CSAD: variants seen among roughly 807,000 people sequenced by gnomAD.
CSAD encodes the protein cysteine sulfinic acid decarboxylase, also known as P-selectin cytoplasmic tail-associated protein.
In CSAD, 47 loss-of-function variants were observed where a neutral mutation model predicts 61.5. That is an observed-to-expected ratio of 0.76 (90% CI 0.60 to 0.97). The LOEUF is 0.97. CSAD is among the 50% of genes least tolerant of loss of function. The pLI is 0.00. For synonymous variants in CSAD, 245 were observed against 252.7 expected (o/e 0.97, Z 0.29); for missense variants, 611 against 643.6 (o/e 0.95, Z 0.55).
chr12:53,180,672 C>CGAGGGG (rs1941533445), intron 1 of CSAD, 60 bp downstream of exon 1: 1 of 1,278,406 alleles, frequency 7.8e-7, no homozygotes, highest in Admixed American at 2.4e-5. Flanking sequence ...GCGGAGAGGA[C>CGAGGGG]GAGGGGGAGG....
At chr12:53,171,064 T>G in intron 8 of CSAD, 1 of 631,996 alleles carries the variant, frequency 1.6e-6, no homozygotes, top group Admixed American at 2.2e-5. Context: ...CCAATGCTGC[T>G]GGTCCACAGA....
At position 53,158,264 on chromosome 12, in the gene CSAD, T is replaced by C. The variant is rs1392884966; in HGVS notation, c.*247A>G. ...AGCAATTCTGCCCCAACCTCCTGAGTAGCTGGGTTTACAGGCACAGGCCAC... is the reference window on the plus strand; with the variant it reads ...AGCAATTCTGCCCCAACCTCCTGAGCAGCTGGGTTTACAGGCACAGGCCAC... On this transcript the variant is annotated 3_prime_UTR_variant, in exon 17 of 17. Transcript: ENST00000444623. 1.3e-5 allele frequency: 4 copies of C among 299,958 alleles called. No homozygotes were observed. In the East Asian group the frequency reaches 3.0e-4, roughly 22 times the overall value. 18.6% of individuals were successfully genotyped at this position (299,958 alleles called of 1,614,324 possible).
In CSAD at chr12:53,171,135, C is replaced by T. The variant is rs778549766; in HGVS notation, c.567+191G>A. The T allele has an allele frequency of 1.7e-5, 14 of 811,932 alleles. No individual in the cohort carries two copies. In the Admixed American group the frequency reaches 2.6e-4, roughly 15 times the overall value. The allele number at this position is 811,932 out of a possible 1,614,324, so 50.3% of individuals were successfully genotyped here. ...CACTGCACTCACGGCCCCTCCTCTG[C>T]CCCCAAACAGAAGGCAATGTGAACA... is the stretch of plus-strand genomic sequence containing the variant. On this transcript the variant is annotated intron_variant, in intron 8 of 16. Transcript: ENST00000444623.
At chr12:53,165,845 ATAC>A (rs1447047354) in intron 10 of CSAD, among the ~76,000 whole-genome samples, 1 of 152,184 alleles carries the variant, frequency 6.6e-6, no homozygotes, top group Non-Finnish European at 1.5e-5. Flanking sequence ...ACTTCTGAGT[ATAC>A]ACCCAAAACA....
intron 15 of CSAD, 83 bp from the exon 16 acceptor site, chr12:53,159,795 C>T: frequency 6.5e-7 from 1 of 1,527,110 alleles, no homozygotes; most frequent in African/African-American, 1.4e-5. Flanking sequence ...CCTCTCCCTG[C>T]CCTTTTCCCT....
rs949213828 is a variant in CSAD at position 53,171,543 on chromosome 12, G to C, written c.452-102C>G. 62 of 1,134,668 alleles carry C rather than the reference G, an allele frequency of 5.5e-5. No individual in the cohort carries two copies. The South Asian group carries it at 8.3e-4, about 15-fold the overall frequency. 70.3% of individuals were successfully genotyped at this position (1,134,668 alleles called of 1,614,324 possible). On this transcript the variant is annotated intron_variant, in intron 7 of 16. Coordinates refer to ENST00000444623, the MANE Select transcript of CSAD (RefSeq NM_001244705.2). ...CCAGAAGAGCTCATCAAAGAAGCAGGTATGACTGGCTCCCAGGCCACAATT... is the reference window on the plus strand; with the variant it reads ...CCAGAAGAGCTCATCAAAGAAGCAGCTATGACTGGCTCCCAGGCCACAATT...
chr12:53,180,935 A>C (rs1488706535), upstream of CSAD: 2 of 172,306 alleles, frequency 1.2e-5, no homozygotes, highest in Non-Finnish European at 1.3e-5. Flanking sequence ...GGGGGAGGGG[A>C]GGGGAGGAGG....
intron 2 of CSAD, among the ~76,000 whole-genome samples, chr12:53,174,466 G>C (rs1453402308): frequency 6.6e-6 from 1 of 151,894 alleles, no homozygotes; most frequent in East Asian, 1.9e-4. Flanking sequence ...ATTTCACATT[G>C]CTTATGGAAT....
Position 53,160,256 on chromosome 12 carries a change from C to A in CSAD, c.1030G>T (p.Asp344Tyr). Reference protein sequence around the residue: ...SYLFQQDKFYDVALDTGDKVV... With the variant: ...SYLFQQDKFYYVALDTGDKVV... ...TTGTCTCCCGTGTCCAGAGCCACAT[C>A]GTAGAACTTGTCCTGCTGGAAAAGG... The change falls in exon 14 of 17, where the codon GAT becomes TAT. Residue 344 changes from aspartate to tyrosine, a missense_variant. Asp to Tyr is a radical substitution (Grantham distance 160, BLOSUM62 -3). Transcript: ENST00000444623. 1 of 1,614,226 alleles carries A rather than the reference C, an allele frequency of 6.2e-7. No individual in the cohort carries two copies. The highest frequency in any genetic ancestry group is 1.7e-5 in the Admixed American group (1 of 60,026).
rs1565645626 is a variant in CSAD, at chr12:53,159,869, A to C, written c.1218+18T>G. The C allele has an allele frequency of 3.8e-6, 6 of 1,583,922 alleles. No individual in the cohort carries two copies. Among genetic ancestry groups the C allele is most frequent in the East Asian group, 2.3e-5 (1 of 43,794 alleles). Reference sequence around the variant, plus strand: ...AGCTAGGCTGGGGCAGGGGCCACAAAATAGAAAGGGGTCCTACCTCCATGA... The same window carrying C: ...AGCTAGGCTGGGGCAGGGGCCACAACATAGAAAGGGGTCCTACCTCCATGA... On this transcript the variant is annotated intron_variant, in intron 15 of 16. Transcript: ENST00000444623.
At chr12:53,173,025 T>G (rs554805681) in intron 4 of CSAD, among the ~76,000 whole-genome samples, 5 of 152,208 alleles carry the variant, frequency 3.3e-5, no homozygotes, top group Non-Finnish European at 7.4e-5. Flanking sequence ...CTGGCTAACA[T>G]GGTGAAACCC....
At chr12:53,170,208 C>G in intron 9 of CSAD, 82 bp from the exon 10 acceptor site, 1 of 1,306,622 alleles carries the variant, frequency 7.7e-7, no homozygotes, top group Non-Finnish European at 1.1e-6. Flanking sequence ...AATGCAGAGA[C>G]AACAGTGCTA....
Position 53,180,769 on chromosome 12 carries a change from G to A in CSAD, c.-128C>T. The A allele has an allele frequency of 3.1e-6, 4 of 1,272,838 alleles. No homozygotes were observed. Among genetic ancestry groups the A allele is most frequent in the Non-Finnish European group, 4.1e-6 (4 of 981,822 alleles). The allele number at this position is 1,272,838 out of a possible 1,614,324, so 78.8% of individuals were successfully genotyped here. A position where few individuals can be genotyped will look rare whatever the true frequency, so the allele number is the denominator to read the frequency against. On this transcript the variant is annotated 5_prime_UTR_variant, in exon 1 of 17. Transcript: ENST00000444623. Reference sequence around the variant, plus strand: ...GGGGGCAGCCGCGGCGGTGGGGTTGGCAGGGTGTGCTGGGGCCTGGAGGAG... The same window carrying A: ...GGGGGCAGCCGCGGCGGTGGGGTTGACAGGGTGTGCTGGGGCCTGGAGGAG...
rs1938778916 is a variant in CSAD, at chr12:53,158,256, C to T, written c.*255G>A. The T allele has an allele frequency of 3.5e-6, 1 of 288,482 alleles. No homozygotes were observed. The highest frequency in any genetic ancestry group is 6.6e-6 in the Non-Finnish European group (1 of 150,856). 17.9% of individuals were successfully genotyped at this position (288,482 alleles called of 1,614,324 possible). On this transcript the variant is annotated 3_prime_UTR_variant, in exon 17 of 17. Coordinates refer to ENST00000444623, the MANE Select transcript of CSAD (RefSeq NM_001244705.2). ...TGGGTTCAAGCAATTCTGCCCCAAC[C>T]TCCTGAGTAGCTGGGTTTACAGGCA...
rs558842458 is a variant in CSAD at position 53,160,430 on chromosome 12, A to C, written c.967-111T>G. ...GATACCCTCTTCTTTCCCTGGAGCCAGATGGCACTGCTGGGACGGCTGCCT... is the reference window on the plus strand; with the variant it reads ...GATACCCTCTTCTTTCCCTGGAGCCCGATGGCACTGCTGGGACGGCTGCCT... On this transcript the variant is annotated intron_variant, in intron 13 of 16. Transcript: ENST00000444623. 5.2e-5 allele frequency: 58 copies of C among 1,114,074 alleles called. No homozygotes were observed. The African/African-American group carries it at 8.8e-4, about 17-fold the overall frequency. The allele number at this position is 1,114,074 out of a possible 1,614,324, so 69.0% of individuals were successfully genotyped here.
chr12:53,181,047 A>T, upstream of CSAD: 1 of 878,432 alleles, frequency 1.1e-6, no homozygotes, highest in Non-Finnish European at 1.4e-6. Flanking sequence ...CCGGCCCGGG[A>T]GAGGGCTCTC....
Position 53,180,902 on chromosome 12 carries a change from A to G in CSAD, c.-261T>C. 1 of 1,115,002 alleles carries G rather than the reference A, an allele frequency of 9.0e-7. No homozygotes were observed. The highest frequency in any genetic ancestry group is 1.1e-6 in the Non-Finnish European group (1 of 896,806). 69.1% of individuals were successfully genotyped at this position (1,115,002 alleles called of 1,614,324 possible). A position where few individuals can be genotyped will look rare whatever the true frequency, so the allele number is the denominator to read the frequency against. ...GACGGCAGCGCTTCAGTAGCTCGCAAGCCGTGGGGTGCCGCGCGGGAAGGG... is the reference window on the plus strand; with the variant it reads ...GACGGCAGCGCTTCAGTAGCTCGCAGGCCGTGGGGTGCCGCGCGGGAAGGG... On this transcript the variant is annotated 5_prime_UTR_variant, in exon 1 of 17. Transcript: ENST00000444623.
intron 7 of CSAD, 174 bp downstream of exon 7, chr12:53,171,708 G>T (rs1005141241): frequency 1.6e-5 from 10 of 621,784 alleles, no homozygotes; most frequent in Non-Finnish European, 2.5e-5. Context: ...AGGGAATGGT[G>T]ACAAACATGA....
chr12:53,171,572 A>C, intron 7 of CSAD, 131 bp from the exon 8 acceptor site: 3 of 826,432 alleles, frequency 3.6e-6, no homozygotes, highest in Non-Finnish European at 5.7e-6. Flanking sequence ...CACAATTCTC[A>C]GGATCATACC....
Sources: gnomAD v4.1 joint callset for allele counts (sites outside exome capture counted in the v4.1 genomes callset) on GRCh38, gnomAD v4.1.1 for gene constraint, MANE v1.5 for transcripts, NCBI Gene and HGNC (gene_info 2026-07-23, HGNC 2026-07-21) for gene names.